NRXN1: variants seen among roughly 807,000 people sequenced by gnomAD.
NRXN1 encodes the protein neurexin 1.
In NRXN1, 39 loss-of-function variants were observed where a neutral mutation model predicts 150.9. The ratio of observed to expected loss-of-function variants is 0.26; its 90% CI spans 0.20 to 0.34. NRXN1 has a LOEUF of 0.34. Among genes scored for constraint, NRXN1 ranks in the 10% least tolerant of loss-of-function variants. NRXN1 has a pLI of 1.00. For missense variants in NRXN1, 1,815 were observed against 1,949.9 expected (o/e 0.93, Z 1.30); for synonymous variants, 924 against 757.0 (o/e 1.22, Z -3.62).
intron 17 of NRXN1, among the ~76,000 whole-genome samples, chr2:50,304,076 C>T (rs181302577): frequency 3.9e-5 from 6 of 152,136 alleles, no homozygotes; most frequent in Non-Finnish European, 1.5e-5. Context: ...AAGATTACAG[C>T]CATAGATCGA....
chr2:50,310,133 T>G (rs1410213035), intron 17 of NRXN1, among the ~76,000 whole-genome samples: 1 of 152,212 alleles, frequency 6.6e-6, no homozygotes, highest in Non-Finnish European at 1.5e-5. Context: ...AGAGAGTATC[T>G]TGCTCTTGTT....
chr2:50,062,550 C>G (rs1018995299), intron 19 of NRXN1, among the ~76,000 whole-genome samples: 5 of 152,014 alleles, frequency 3.3e-5, no homozygotes, highest in Admixed American at 3.3e-4. Context: ...TCTATTTATT[C>G]TATATGAACA....
At chr2:50,926,042 T>C in intron 2 of NRXN1, 87 bp from the exon 3 acceptor site, 1 of 1,006,306 alleles carries the variant, frequency 9.9e-7, no homozygotes, top group Admixed American at 2.0e-5. Context: ...CATGTCTTCC[T>C]CATGCAAGGC....
chr2:50,203,736 T>C (rs1419594111), intron 18 of NRXN1, among the ~76,000 whole-genome samples: 1 of 152,186 alleles, frequency 6.6e-6, no homozygotes, highest in Non-Finnish European at 1.5e-5. Context: ...TGTGTTATAT[T>C]ACATGCATTA....
chr2:50,193,850 A>T (rs2061590823), intron 18 of NRXN1, among the ~76,000 whole-genome samples: 1 of 152,126 alleles, frequency 6.6e-6, no homozygotes. Flanking sequence ...GAAAAAAAAA[A>T]GTTGAGCAAT....
At chr2:49,935,424 C>G (rs190726628) in intron 22 of NRXN1, among the ~76,000 whole-genome samples, 1 of 152,196 alleles carries the variant, frequency 6.6e-6, no homozygotes, top group Admixed American at 6.5e-5. Flanking sequence ...ATACTGGCAT[C>G]TTTAATACAC....
intron 18 of NRXN1, among the ~76,000 whole-genome samples, chr2:50,235,469 C>T (rs534676690): frequency 3.3e-5 from 5 of 152,132 alleles, no homozygotes; most frequent in Admixed American, 2.6e-4. Context: ...TCAATGAATT[C>T]AGCCCTTGTG....
chr2:50,279,241 T>C (rs2071082908), intron 17 of NRXN1, among the ~76,000 whole-genome samples: 1 of 152,190 alleles, frequency 6.6e-6, no homozygotes, highest in South Asian at 2.1e-4. Context: ...CCTAAGGTAC[T>C]GGTCATCATC....
At chr2:50,025,953 G>A (rs1688218774) in intron 21 of NRXN1, among the ~76,000 whole-genome samples, 1 of 152,174 alleles carries the variant, frequency 6.6e-6, no homozygotes, top group South Asian at 2.1e-4. Flanking sequence ...TCCCAACTGG[G>A]AAGATTTTAT....
chr2:50,749,090 T>C (rs1372477085), intron 5 of NRXN1, among the ~76,000 whole-genome samples: 1 of 152,132 alleles, frequency 6.6e-6, no homozygotes, highest in African/African-American at 2.4e-5. Flanking sequence ...TTTACACATT[T>C]TCTCAAACTG....
intron 21 of NRXN1, among the ~76,000 whole-genome samples, chr2:50,018,274 C>T (rs1040190524): frequency 6.6e-6 from 1 of 152,126 alleles, no homozygotes; most frequent in Non-Finnish European, 1.5e-5. Context: ...GTTTATTTTT[C>T]TTTGTCTTGA....
chr2:50,976,483 G>A (rs1252570331), intron 2 of NRXN1, among the ~76,000 whole-genome samples: 1 of 151,630 alleles, frequency 6.6e-6, no homozygotes, highest in Non-Finnish European at 1.5e-5. Flanking sequence ...CACCCTAAAT[G>A]TTATCCCTTT....
intron 17 of NRXN1, among the ~76,000 whole-genome samples, chr2:50,406,137 T>C (rs969643520): frequency 6.6e-6 from 1 of 152,104 alleles, no homozygotes; most frequent in Non-Finnish European, 1.5e-5. Context: ...ATATCATGCT[T>C]TTCCAATGTT....
chr2:50,556,704 C>A (rs1290842560), intron 8 of NRXN1, among the ~76,000 whole-genome samples: 1 of 151,988 alleles, frequency 6.6e-6, no homozygotes, highest in African/African-American at 2.4e-5. Flanking sequence ...TGAGTATTAT[C>A]TTTGATCTTA....
intron 5 of NRXN1, among the ~76,000 whole-genome samples, chr2:50,628,491 T>C (rs898127608): frequency 5.9e-5 from 9 of 151,718 alleles, no homozygotes; most frequent in Admixed American, 1.3e-4. Context: ...AGAACATATA[T>C]ACTACATGAA....
At chr2:50,133,294 CG>C (rs1705835694) in intron 18 of NRXN1, among the ~76,000 whole-genome samples, 1 of 108,276 alleles carries the variant, frequency 9.2e-6, no homozygotes, top group East Asian at 4.5e-4. Context: ...TGGAAATGGG[CG>C]TAAGTACAGC....
chr2:50,442,683 A>G (rs938922970), intron 17 of NRXN1, among the ~76,000 whole-genome samples: 4 of 152,126 alleles, frequency 2.6e-5, no homozygotes, highest in African/African-American at 9.7e-5. Flanking sequence ...TGGCATAATG[A>G]TAGTATTTAA....
At chr2:50,351,378 C>T (rs1159251550) in intron 17 of NRXN1, among the ~76,000 whole-genome samples, 1 of 152,126 alleles carries the variant, frequency 6.6e-6, no homozygotes, top group African/African-American at 2.4e-5. Context: ...CTTCTAGAAG[C>T]CTTGTGCTAC....
Position 50,073,279 on chromosome 2 carries a change from T to C in NRXN1, c.3718+18044A>G, listed in dbSNP as rs184354117. ...TGTGTTATCTGCAACAGACTATGTG[T>C]TCCAAGGGGGTAGTGACCATTCCTG... On this transcript the variant is annotated intron_variant, in intron 19 of 22. Coordinates refer to ENST00000401669, the MANE Select transcript of NRXN1 (RefSeq NM_001330078.2). Among the ~76,000 whole-genome samples, 33 of 152,312 alleles carry C rather than the reference T, an allele frequency of 2.2e-4. No homozygotes were observed. In the South Asian group the frequency reaches 3.1e-3, roughly 14 times the overall value.
Sources: gnomAD v4.1 joint callset for allele counts (sites outside exome capture counted in the v4.1 genomes callset) on GRCh38, gnomAD v4.1.1 for gene constraint, MANE v1.5 for transcripts, NCBI Gene and HGNC (gene_info 2026-07-23, HGNC 2026-07-21) for gene names.